The following SNX25 variants were observed in gnomAD, a reference collection of about 807,000 sequenced individuals.
SNX25 encodes the protein sorting nexin-25.
A neutral mutation model predicts 113.7 loss-of-function variants in SNX25; 62 were observed. The observed-to-expected ratio is 0.55, with a 90% CI of 0.44 to 0.67. The LOEUF is 0.67. Ranked by LOEUF, SNX25 falls within the 30% of genes least tolerant of loss-of-function variation. SNX25 has a pLI of 0.00. For missense variants in SNX25, 1,014 were observed against 1,161.0 expected (o/e 0.87, Z 1.84); for synonymous variants, 421 against 436.2 (o/e 0.97, Z 0.43).
chr4:185,362,482 C>A, intron 17 of SNX25, 129 bp from the exon 18 acceptor site: 1 of 1,173,024 alleles, frequency 8.5e-7, no homozygotes, highest in Non-Finnish European at 1.2e-6. Flanking sequence ...AGAGAACTGA[C>A]CATTCATGTT....
chr4:185,226,832 T>G (rs1741068690), intron 1 of SNX25, among the ~76,000 whole-genome samples: 1 of 152,218 alleles, frequency 6.6e-6, no homozygotes, highest in South Asian at 2.1e-4. Context: ...AGAAATCTGC[T>G]TAGCTTTTTA....
chr4:185,279,075 A>T (rs1750175068), intron 5 of SNX25, among the ~76,000 whole-genome samples: 1 of 151,782 alleles, frequency 6.6e-6, no homozygotes, highest in Admixed American at 6.6e-5. Context: ...TAAGATTAAG[A>T]AATGTATAAA....
Position 185,232,421 on chromosome 4 carries a change from C to A in SNX25, c.430-14873C>A, listed in dbSNP as rs530265458. Among the ~76,000 whole-genome samples, 45 of 152,180 alleles carry A rather than the reference C, an allele frequency of 3.0e-4. No homozygotes were observed. The highest frequency in any genetic ancestry group is 5.1e-4 in the Non-Finnish European group (35 of 68,012). On this transcript the variant is annotated intron_variant, in intron 1 of 18. Transcript: ENST00000652585. The surrounding 1 kb of genome is among the most constrained non-coding windows in gnomAD (Gnocchi z 4.4). Reference sequence around the variant, plus strand: ...TGCAATTTTCTTCCCTTTTATGGGCCGACCCCTCCTCTGCATCCTGTTTGC... The same window carrying A: ...TGCAATTTTCTTCCCTTTTATGGGCAGACCCCTCCTCTGCATCCTGTTTGC...
chr4:185,371,016 A>C (rs1370636198), downstream of SNX25: 1 of 516,790 alleles, frequency 1.9e-6, no homozygotes, highest in Non-Finnish European at 3.5e-6. Context: ...GTGACTTCAC[A>C]TGTCTCTGTA....
intron 5 of SNX25, among the ~76,000 whole-genome samples, chr4:185,281,437 T>C (rs111896004): frequency 0.023 from 3,501 of 152,302 alleles, 116 homozygotes; most frequent in African/African-American, 0.071. Flanking sequence ...CTATAAATGA[T>C]GATGCTTTAG....
At position 185,303,881 on chromosome 4, in the gene SNX25, C is replaced by T. The variant is rs1415423027; in HGVS notation, c.1163-6754C>T. Among the ~76,000 whole-genome samples, 3 of 152,106 alleles carry T rather than the reference C, an allele frequency of 2.0e-5. No individual in the cohort carries two copies. The East Asian group carries it at 5.8e-4, about 29-fold the overall frequency. ...CAGGTGTTTAGAGTGGTAAGAGAAG[C>T]CCATTTGTTCTTTTCAAAAAAGGAC... On this transcript the variant is annotated intron_variant, in intron 6 of 18. Transcript: ENST00000652585.
upstream of SNX25, chr4:185,207,773 A>ATGGTATCCAT (rs1224517191): frequency 6.7e-6 from 1 of 150,332 alleles, no homozygotes; most frequent in Non-Finnish European, 1.5e-5. Flanking sequence ...GATGGAGATA[A>ATGGTATCCAT]TGGTATCCAT....
At chr4:185,291,298 C>T (rs1183499891) in intron 6 of SNX25, among the ~76,000 whole-genome samples, 4 of 152,178 alleles carry the variant, frequency 2.6e-5, no homozygotes, top group Admixed American at 1.3e-4. Flanking sequence ...ATCATTACCA[C>T]CCATCTCCGG....
chr4:185,277,093 C>T (rs567825439), intron 5 of SNX25, among the ~76,000 whole-genome samples: 2 of 152,164 alleles, frequency 1.3e-5, no homozygotes, highest in South Asian at 2.1e-4. Context: ...GGCACAATCT[C>T]AGCTCAGTGC....
At chr4:185,339,333 A>G in intron 10 of SNX25, 46 bp from the exon 11 acceptor site, 1 of 1,581,578 alleles carries the variant, frequency 6.3e-7, no homozygotes, top group Non-Finnish European at 8.7e-7. Context: ...TGAATTGCAT[A>G]GTTTTAAGTG....
intron 2 of SNX25, among the ~76,000 whole-genome samples, chr4:185,252,631 A>G (rs935826683): frequency 6.6e-6 from 1 of 152,298 alleles, no homozygotes; most frequent in South Asian, 2.1e-4. Context: ...TAAGTACCAC[A>G]TAAGGCATGT....
intron 6 of SNX25, among the ~76,000 whole-genome samples, chr4:185,292,854 G>T (rs1288546): frequency 0.41 from 62,737 of 152,058 alleles, 13,157 homozygotes; most frequent in East Asian, 0.52. Flanking sequence ...GGTCAAGGCT[G>T]CAATGAGCTG....
In SNX25 at chr4:185,363,088, C is replaced by A. The variant is rs559111058; in HGVS notation, c.2935-297C>A. On this transcript the variant is annotated intron_variant, in intron 18 of 18. Transcript: ENST00000652585. This position sits in a 1 kb window ranked among gnomAD's most constrained non-coding sequence, Gnocchi z 4.2. ...TAACTCCTGACCTCAGGTGATCTGT[C>A]TGCCTCAGCCTCCCAAAGTGCTGGG... Among the ~76,000 whole-genome samples, 106 of 152,268 alleles carry A rather than the reference C, an allele frequency of 7.0e-4. No homozygotes were observed. The highest frequency in any genetic ancestry group is 2.5e-3 in the African/African-American group (104 of 41,568).
intron 2 of SNX25, among the ~76,000 whole-genome samples, chr4:185,249,941 T>A (rs1357090696): frequency 6.6e-6 from 1 of 152,202 alleles, no homozygotes; most frequent in African/African-American, 2.4e-5. Context: ...ATCTTGATGT[T>A]GGTTTCTGTT....
chr4:185,364,656 T>G (rs996798890), downstream of SNX25: 1 of 152,184 alleles, frequency 6.6e-6, no homozygotes, highest in Non-Finnish European at 1.5e-5. Context: ...TTTTTTTAGT[T>G]ATAGCTTTTT....
At chr4:185,217,958 T>C (rs1214410236) in intron 1 of SNX25, among the ~76,000 whole-genome samples, 1 of 152,202 alleles carries the variant, frequency 6.6e-6, no homozygotes, top group Non-Finnish European at 1.5e-5. Flanking sequence ...AGGTCACCTA[T>C]GCCACCTAGG....
At chr4:185,259,986 G>A (rs539612080) in intron 3 of SNX25, among the ~76,000 whole-genome samples, 11 of 152,124 alleles carry the variant, frequency 7.2e-5, no homozygotes, top group East Asian at 1.9e-4. Context: ...CCACAGAGCC[G>A]TGACATGCCC....
intron 1 of SNX25, among the ~76,000 whole-genome samples, chr4:185,212,141 A>C (rs1183664921): frequency 1.3e-5 from 2 of 152,184 alleles, no homozygotes; most frequent in East Asian, 3.9e-4. Context: ...CTTAAATAAG[A>C]AATTAAGTGC....
chr4:185,322,128 G>A (rs1433100988), intron 8 of SNX25, among the ~76,000 whole-genome samples: 5 of 152,046 alleles, frequency 3.3e-5, no homozygotes, highest in African/African-American at 4.8e-5. Context: ...ATTGTAAGAG[G>A]TTTATTAAAA....
Sources: gnomAD v4.1 joint callset for allele counts (sites outside exome capture counted in the v4.1 genomes callset) on GRCh38, gnomAD v4.1.1 for gene constraint, Gnocchi (gnomAD v3.1) non-coding constraint, MANE v1.5 for transcripts, NCBI Gene and HGNC (gene_info 2026-07-23, HGNC 2026-07-21) for gene names.